DERL1: variants seen among roughly 807,000 people sequenced by gnomAD.
The protein encoded by DERL1 is derlin 1, also known as derlin-1.
Under a neutral mutation model 41.6 loss-of-function variants are expected in DERL1, and 24 were observed. That is an observed-to-expected ratio of 0.58 (90% CI 0.42 to 0.81). The LOEUF (loss-of-function observed/expected upper bound fraction) is 0.81. DERL1 is among the 30% of genes least tolerant of loss of function. The pLI, the probability that DERL1 is intolerant of heterozygous loss-of-function variation, is 0.00. For missense variants in DERL1, 260 were observed against 314.3 expected (o/e 0.83, Z 1.31); for synonymous variants, 124 against 112.5 (o/e 1.10, Z -0.65).
intron 1 of DERL1, among the ~76,000 whole-genome samples, chr8:123,031,712 C>T (rs1159072470): frequency 1.3e-5 from 2 of 152,036 alleles, no homozygotes; most frequent in African/African-American, 2.4e-5. Context: ...CTACTCTATA[C>T]GGCACTGTTT....
chr8:123,032,771 C>G (rs1278387288), intron 1 of DERL1, among the ~76,000 whole-genome samples: 1 of 152,028 alleles, frequency 6.6e-6, no homozygotes, highest in Non-Finnish European at 1.5e-5. Context: ...AACGTTTATA[C>G]TCTAGTCTCT....
At chr8:123,037,820 G>C (rs899932023) in intron 1 of DERL1, among the ~76,000 whole-genome samples, 1 of 152,212 alleles carries the variant, frequency 6.6e-6, no homozygotes, top group Non-Finnish European at 1.5e-5. Context: ...CAGGGAAGTT[G>C]TAACAGGGTG....
chr8:123,030,542 A>G (rs1812799225), intron 2 of DERL1, 63 bp downstream of exon 2: 5 of 1,236,124 alleles, frequency 4.0e-6, no homozygotes, highest in Non-Finnish European at 5.7e-6. Flanking sequence ...ATTCCTCCAA[A>G]GTAAACACAT....
In DERL1 at chr8:123,042,283, G is replaced by A. The variant is rs745581241; in HGVS notation, c.-161C>T. On this transcript the variant is annotated 5_prime_UTR_variant, in exon 1 of 8. Coordinates refer to ENST00000259512, the MANE Select transcript of DERL1 (RefSeq NM_024295.6). ...GGCGGACGTGGCGCCACCGAATTCG[G>A]ACCAGCGAGGCAGCCTTCTGAGGCG... The A allele has an allele frequency of 1.0e-6, 1 of 982,050 alleles. No individual in the cohort carries two copies. Among genetic ancestry groups the A allele is most frequent in the Non-Finnish European group, 1.4e-6 (1 of 707,642 alleles). The allele number at this position is 982,050 out of a possible 1,614,324, so 60.8% of individuals were successfully genotyped here.
chr8:123,016,665 C>CGAAAGT (rs1814581416), intron 7 of DERL1: 1 of 152,124 alleles, frequency 6.6e-6, no homozygotes, highest in South Asian at 2.1e-4. Context: ...TGAAGCGCTT[C>CGAAAGT]GAAAGTGACA....
At chr8:123,030,948 T>TG (rs1162690605) in intron 1 of DERL1, among the ~76,000 whole-genome samples, 1 of 152,232 alleles carries the variant, frequency 6.6e-6, no homozygotes, top group Non-Finnish European at 1.5e-5. Flanking sequence ...CAAATATTTC[T>TG]AAACAAGTTG....
chr8:123,023,862 A>T (rs1273434598), intron 3 of DERL1, 123 bp from the exon 4 acceptor site: 5 of 1,099,556 alleles, frequency 4.5e-6, no homozygotes, highest in Non-Finnish European at 6.5e-6. Context: ...TCATGCTTGT[A>T]ATCTCTGTAC....
In DERL1 at chr8:123,033,951, A is replaced by G. The variant is rs568365731; in HGVS notation, c.154-3235T>C. On this transcript the variant is annotated intron_variant, in intron 1 of 7. Coordinates refer to ENST00000259512, the MANE Select transcript of DERL1 (RefSeq NM_024295.6). The stretch of plus-strand genomic sequence containing the variant: ...CTTTTGGTGTGAGAGATATGTGTCT[A>G]TCTCATTGCACACTAGCATGTACCA... Among the ~76,000 whole-genome samples, 55 of 152,318 alleles carry G rather than the reference A, an allele frequency of 3.6e-4. 1 individual carries two copies. Among genetic ancestry groups the G allele is most frequent in the Middle Eastern group, 6.8e-3 (2 of 294 alleles).
At chr8:123,034,427 AC>A (rs1271454961) in intron 1 of DERL1, among the ~76,000 whole-genome samples, 1 of 152,220 alleles carries the variant, frequency 6.6e-6, no homozygotes, top group African/African-American at 2.4e-5. Context: ...CTTATAAGTC[AC>A]CACTTCCGAG....
intron 1 of DERL1, among the ~76,000 whole-genome samples, chr8:123,037,444 TATG>T (rs1201258154): frequency 2.0e-5 from 3 of 152,188 alleles, no homozygotes; most frequent in Non-Finnish European, 4.4e-5. Flanking sequence ...GTTAATATGC[TATG>T]ATATTATCCT....
At chr8:123,024,413 C>T (rs1397778031) in intron 3 of DERL1, among the ~76,000 whole-genome samples, 2 of 152,174 alleles carry the variant, frequency 1.3e-5, no homozygotes, top group East Asian at 1.9e-4. Flanking sequence ...ACCAATTTTG[C>T]ACAGGACCTG....
chr8:123,033,534 G>A (rs781107899), intron 1 of DERL1, among the ~76,000 whole-genome samples: 22 of 151,994 alleles, frequency 1.4e-4, no homozygotes, highest in Non-Finnish European at 2.8e-4. Flanking sequence ...ACCTGAGGTC[G>A]GGAGTTCGAG....
intron 1 of DERL1, among the ~76,000 whole-genome samples, chr8:123,040,162 A>G (rs1813014268): frequency 6.6e-6 from 1 of 152,326 alleles, no homozygotes; most frequent in Middle Eastern, 3.4e-3. Flanking sequence ...GGTTGCAGTG[A>G]ACCAAGATTG....
chr8:123,035,779 T>C (rs1490796724), intron 1 of DERL1, among the ~76,000 whole-genome samples: 1 of 152,048 alleles, frequency 6.6e-6, no homozygotes, highest in African/African-American at 2.4e-5. Context: ...AACTTCAGAG[T>C]GTAGGTTGCA....
In DERL1 at chr8:123,033,553, G is replaced by C. The variant is rs747968728; in HGVS notation, c.154-2837C>G. Among the ~76,000 whole-genome samples, 31 of 152,272 alleles carry C rather than the reference G, an allele frequency of 2.0e-4. No homozygotes were observed. The Middle Eastern group carries it at 0.01, about 50-fold the overall frequency. On this transcript the variant is annotated intron_variant, in intron 1 of 7. Coordinates refer to ENST00000259512, the MANE Select transcript of DERL1 (RefSeq NM_024295.6). ...GAGGTCGGGAGTTCGAGACCAGGCTGACCAAGGTGGAGAAACCTTGTCTCT... is the reference window on the plus strand; with the variant it reads ...GAGGTCGGGAGTTCGAGACCAGGCTCACCAAGGTGGAGAAACCTTGTCTCT...
intron 1 of DERL1, among the ~76,000 whole-genome samples, chr8:123,041,034 G>A (rs1025940174): frequency 2.0e-5 from 3 of 152,204 alleles, no homozygotes; most frequent in Non-Finnish European, 2.9e-5. Context: ...AAGCCCTGAG[G>A]CTGAATGAAT....
intron 2 of DERL1, among the ~76,000 whole-genome samples, chr8:123,028,154 A>G (rs527769319): frequency 1.3e-5 from 2 of 152,202 alleles, no homozygotes; most frequent in South Asian, 4.1e-4. Flanking sequence ...CTTATAGTTC[A>G]GAGTTAAATT....
In DERL1 at chr8:123,014,416, C is replaced by T. The variant is rs528960035; in HGVS notation, c.*1031G>A. 93 of 152,656 alleles carry T rather than the reference C, an allele frequency of 6.1e-4. No individual in the cohort carries two copies. The highest frequency in any genetic ancestry group is 2.1e-3 in the African/African-American group (88 of 41,522). The allele number at this position is 152,656 out of a possible 1,614,324, so 9.5% of individuals were successfully genotyped here. On this transcript the variant is annotated 3_prime_UTR_variant, in exon 8 of 8. Coordinates refer to ENST00000259512, the MANE Select transcript of DERL1 (RefSeq NM_024295.6). ...TCCTCACAATTAATTGAAACATGAC[C>T]AAAAAACGGGGGATAGGCAAAAAAG...
chr8:123,036,213 A>G (rs1812924651), intron 1 of DERL1, among the ~76,000 whole-genome samples: 1 of 152,232 alleles, frequency 6.6e-6, no homozygotes, highest in Non-Finnish European at 1.5e-5. Context: ...AGCACCATTC[A>G]TAATAGCCAA....
Sources: allele counts gnomAD v4.1 joint callset (sites outside exome capture counted in the v4.1 genomes callset), GRCh38; gene constraint gnomAD v4.1.1; transcripts MANE v1.5; gene names NCBI Gene and HGNC (gene_info 2026-07-23, HGNC 2026-07-21).